The following LTBP1 variants were observed in gnomAD, a reference collection of about 807,000 sequenced individuals.
LTBP1 encodes the protein latent transforming growth factor beta binding protein 1.
A neutral mutation model predicts 207.6 loss-of-function variants in LTBP1; 129 were observed. That is an observed-to-expected ratio of 0.62 (90% CI 0.54 to 0.72). The LOEUF is 0.72. Ranked by LOEUF, LTBP1 falls within the 30% of genes least tolerant of loss-of-function variation. The pLI is 0.00. For missense variants in LTBP1, 2,281 were observed against 2,217.2 expected, an observed-to-expected ratio of 1.03 and a Z score of -0.58; for synonymous variants, 963 against 833.7, an observed-to-expected ratio of 1.16 and a Z score of -2.67.
intron 10 of LTBP1, among the ~76,000 whole-genome samples, chr2:33,251,968 T>C (rs2092698786): frequency 6.6e-6 from 1 of 152,196 alleles, no homozygotes; most frequent in African/African-American, 2.4e-5. Context: ...GATGAACTCT[T>C]ATCTACTAAA....
At chr2:33,006,040 A>G (rs1472722604) in intron 2 of LTBP1, among the ~76,000 whole-genome samples, 1 of 152,110 alleles carries the variant, frequency 6.6e-6, no homozygotes, top group South Asian at 2.1e-4. Flanking sequence ...GTCCCTAATC[A>G]TTGTGTGAGC....
At chr2:32,973,026 T>C (rs747996287) in intron 2 of LTBP1, among the ~76,000 whole-genome samples, 2 of 152,202 alleles carry the variant, frequency 1.3e-5, no homozygotes, top group African/African-American at 2.4e-5. Flanking sequence ...TTTTGGTTTT[T>C]TTGAATTTGT....
chr2:33,258,708 A>G (rs1012512930), intron 12 of LTBP1, among the ~76,000 whole-genome samples: 8 of 152,204 alleles, frequency 5.3e-5, no homozygotes, highest in Non-Finnish European at 1.2e-4. Context: ...TAGGCAGAAT[A>G]GAAGGTTATT....
chr2:33,240,712 G>A (rs1322672358), intron 9 of LTBP1, among the ~76,000 whole-genome samples: 3 of 146,740 alleles, frequency 2.0e-5, no homozygotes, highest in South Asian at 2.2e-4. Context: ...GTGCAGTGGC[G>A]CGATCTCGGC....
At chr2:33,188,118 C>G (rs2087401873) in intron 6 of LTBP1, among the ~76,000 whole-genome samples, 1 of 152,012 alleles carries the variant, frequency 6.6e-6, no homozygotes, top group Non-Finnish European at 1.5e-5. Flanking sequence ...TTTGCCTGTG[C>G]CCTTAAGAAT....
chr2:33,174,036 C>T (rs1033038039), intron 5 of LTBP1, among the ~76,000 whole-genome samples: 5 of 140,368 alleles, frequency 3.6e-5, no homozygotes, highest in Non-Finnish European at 6.3e-5. Context: ...ATGACAAACC[C>T]ACAGCCAATA....
intron 19 of LTBP1, among the ~76,000 whole-genome samples, chr2:33,290,455 A>C (rs567522245): frequency 1.4e-4 from 22 of 152,228 alleles, no homozygotes; most frequent in Admixed American, 4.6e-4. Flanking sequence ...AGAACACTGA[A>C]AGTCATGGAA....
chr2:33,234,085 T>C (rs1244764127), intron 9 of LTBP1, among the ~76,000 whole-genome samples: 4 of 152,196 alleles, frequency 2.6e-5, no homozygotes, highest in African/African-American at 7.2e-5. Flanking sequence ...AGTGTCTGGC[T>C]TCTTTCACTC....
chr2:33,024,429 C>A lies in LTBP1; in HGVS notation c.863+3223C>A, dbSNP rs188657590. Among the ~76,000 whole-genome samples the A allele has an allele frequency of 2.1e-3, 315 of 152,234 alleles. 2 individuals carry two copies. The highest frequency in any genetic ancestry group is 7.4e-3 in the African/African-American group (308 of 41,528). ...ACCCTGCAGATATGTAGGGGTGAGG[C>A]AGAGGCTTTGAGGCAGGAGTGTGCC... On this transcript the variant is annotated intron_variant, in intron 3 of 33. Transcript: ENST00000404816.
At chr2:33,130,302 G>C (rs764212972) in intron 4 of LTBP1, among the ~76,000 whole-genome samples, 29 of 152,162 alleles carry the variant, frequency 1.9e-4, no homozygotes, top group Admixed American at 5.2e-4. Flanking sequence ...CTTCTTCCCA[G>C]AGGATATTGC....
intron 3 of LTBP1, among the ~76,000 whole-genome samples, chr2:33,030,962 C>A (rs190294073): frequency 5.9e-5 from 9 of 152,050 alleles, no homozygotes; most frequent in Non-Finnish European, 8.8e-5. Flanking sequence ...TCTTCACACC[C>A]TTTTCTGTTA....
intron 3 of LTBP1, among the ~76,000 whole-genome samples, chr2:33,034,117 GT>G (rs2075811147): frequency 6.6e-6 from 1 of 151,670 alleles, no homozygotes; most frequent in Non-Finnish European, 1.5e-5. Context: ...TTAATTCAAA[GT>G]TTCACTTTCT....
Position 33,263,352 on chromosome 2 carries a change from G to A in LTBP1, c.2577G>A (p.Thr859=), listed in dbSNP as rs12468099. The A allele has an allele frequency of 0.27, 427,410 of 1,612,100 alleles. 59,929 individuals are homozygous for A. Among genetic ancestry groups the A allele is most frequent in the Non-Finnish European group, 0.29 (337,708 of 1,178,596 alleles). Residue 859 remains threonine (T), a synonymous_variant, in exon 15 of 34, where the codon ACG becomes ACA. Coordinates refer to ENST00000404816, the MANE Select transcript of LTBP1 (RefSeq NM_206943.4). Reference sequence around the variant, plus strand: ...TTGAAGTAGCTCCTGAAGCTTCTACGTCTAGTGCCAGCCAAGTGATTGCTC... The same window carrying A: ...TTGAAGTAGCTCCTGAAGCTTCTACATCTAGTGCCAGCCAAGTGATTGCTC... ...VPVEVAPEAS[T]SSASQVIAPT...
chr2:33,388,415 A>C (rs937500719), intron 31 of LTBP1, among the ~76,000 whole-genome samples: 1 of 152,240 alleles, frequency 6.6e-6, no homozygotes, highest in Non-Finnish European at 1.5e-5. Flanking sequence ...TTCTGACTTC[A>C]AATCAGGTTC....
intron 3 of LTBP1, among the ~76,000 whole-genome samples, chr2:33,078,812 A>G (rs1369290720): frequency 6.6e-6 from 1 of 151,496 alleles, no homozygotes; most frequent in East Asian, 1.9e-4. Flanking sequence ...ATTGGGATAG[A>G]ATAATTTTTC....
At chr2:33,279,323 C>T (rs1426823884) in intron 18 of LTBP1, among the ~76,000 whole-genome samples, 3 of 152,148 alleles carry the variant, frequency 2.0e-5, no homozygotes, top group Non-Finnish European at 4.4e-5. Context: ...GTTATCTCCT[C>T]ACAGACTTAA....
chr2:32,985,608 T>C (rs1442701839), intron 2 of LTBP1, among the ~76,000 whole-genome samples: 1 of 152,158 alleles, frequency 6.6e-6, no homozygotes, highest in Non-Finnish European at 1.5e-5. Flanking sequence ...TCAAATGCAG[T>C]CATCTGTGTT....
chr2:33,276,041 T>G, intron 18 of LTBP1, 118 bp downstream of exon 18: 8 of 1,290,686 alleles, frequency 6.2e-6, no homozygotes, highest in African/African-American at 1.5e-5. Context: ...ATCCAAGCTC[T>G]TTCTGCTTCC....
At chr2:33,308,316 T>C (rs1271769726) in intron 22 of LTBP1, among the ~76,000 whole-genome samples, 1 of 152,244 alleles carries the variant, frequency 6.6e-6, no homozygotes, top group African/African-American at 2.4e-5. Context: ...TGTATACCAC[T>C]TTTAGTTGCG....
Sources: allele counts gnomAD v4.1 joint callset (sites outside exome capture counted in the v4.1 genomes callset), GRCh38; gene constraint gnomAD v4.1.1; transcripts MANE v1.5; gene names NCBI Gene and HGNC (gene_info 2026-07-23, HGNC 2026-07-21).